Variants in SLC16A12 observed in about 807,000 individuals in gnomAD.
SLC16A12 encodes the protein monocarboxylate transporter 12.
In SLC16A12, 17 loss-of-function variants were observed where a neutral mutation model predicts 42.4. The observed-to-expected ratio is 0.40, with a 90% CI of 0.27 to 0.60. The LOEUF (loss-of-function observed/expected upper bound fraction) is 0.60, where lower values mean the gene tolerates loss of function less well. Among genes scored for constraint, SLC16A12 ranks in the 20% least tolerant of loss-of-function variants. The pLI, the probability that SLC16A12 is intolerant of heterozygous loss-of-function variation, is 0.42. For synonymous variants in SLC16A12, 224 were observed against 229.4 expected (o/e 0.98, Z 0.21); for missense variants, 544 against 623.0 (o/e 0.87, Z 1.35).
upstream of SLC16A12, among the ~76,000 whole-genome samples, chr10:89,540,334 A>C (rs1358494535): frequency 6.6e-6 from 1 of 152,068 alleles, no homozygotes; most frequent in Non-Finnish European, 1.5e-5. Flanking sequence ...TGTGGGCTCA[A>C]GCGATCCTCC....
rs188000541 is a variant in SLC16A12, at chr10:89,443,638, C to T, written c.304+118G>A. 6 of 777,186 alleles carry T rather than the reference C, an allele frequency of 7.7e-6. No individual in the cohort carries two copies. In the African/African-American group the frequency reaches 1.0e-4, roughly 13 times the overall value. 48.1% of individuals were successfully genotyped at this position (777,186 alleles called of 1,614,324 possible). A position where few individuals can be genotyped will look rare whatever the true frequency, so the allele number is the denominator to read the frequency against. ...TTTCTTTATATTATATAGTCCTAGC[C>T]AGTTTTTAATGTAGCCCTTCTACTT... On this transcript the variant is annotated intron_variant, in intron 4 of 7. Coordinates refer to ENST00000371790, the MANE Select transcript of SLC16A12 (RefSeq NM_213606.4).
At chr10:89,514,983 T>G (rs1200820867) in intron 2 of SLC16A12, among the ~76,000 whole-genome samples, 2 of 152,002 alleles carry the variant, frequency 1.3e-5, no homozygotes, top group Non-Finnish European at 2.9e-5. Context: ...TCCCAGCTAC[T>G]TGGGAGGCTG....
At chr10:89,465,405 T>TA (rs1185141556) in intron 2 of SLC16A12, among the ~76,000 whole-genome samples, 1 of 152,230 alleles carries the variant, frequency 6.6e-6, no homozygotes, top group Non-Finnish European at 1.5e-5. Context: ...TGCAGTTCTT[T>TA]AAATGGTACC....
rs532119672 is a variant in SLC16A12, at chr10:89,439,048, T to C, written c.584A>G (p.Gln195Arg). 1 of 1,613,820 alleles carries C rather than the reference T, an allele frequency of 6.2e-7. No homozygotes were observed. The highest frequency in any genetic ancestry group is 2.2e-5 in the East Asian group (1 of 44,876). ...IGTFILAPVV[Q>R]LLIEQFSWRG... ...CCAGGAAAACTGTTCAATAAGGAGC[T>C]GAACCACAGGAGCCAGGATGAAGGT... The change falls in exon 6 of 8, where the codon CAG (glutamine) becomes CGG (arginine). Residue 195 changes from glutamine to arginine, a missense_variant. Transcript: ENST00000371790.
chr10:89,468,854 G>C (rs1842449220), intron 2 of SLC16A12, among the ~76,000 whole-genome samples: 1 of 152,154 alleles, frequency 6.6e-6, no homozygotes, highest in African/African-American at 2.4e-5. Context: ...TTGCAGCCGG[G>C]CACAATGACT....
At chr10:89,500,127 G>A (rs1842972805) in intron 2 of SLC16A12, among the ~76,000 whole-genome samples, 1 of 151,976 alleles carries the variant, frequency 6.6e-6, no homozygotes. Flanking sequence ...ATAACAAGCA[G>A]CAAGATTGAA....
At chr10:89,485,337 G>A (rs554615047) in intron 2 of SLC16A12, among the ~76,000 whole-genome samples, 4 of 152,320 alleles carry the variant, frequency 2.6e-5, no homozygotes, top group Admixed American at 2.0e-4. Flanking sequence ...TATAGACTTA[G>A]AGCAAGAAAC....
chr10:89,554,043 A>G (rs139710454), intron 2 of SLC16A12, among the ~76,000 whole-genome samples: 1,013 of 48,950 alleles, frequency 0.021, 27 homozygotes, highest in African/African-American at 0.086. Flanking sequence ...GAAGAAAGAA[A>G]GAAAGAAAGA....
intron 3 of SLC16A12, among the ~76,000 whole-genome samples, chr10:89,448,980 C>T (rs1429958986): frequency 6.6e-6 from 1 of 152,070 alleles, no homozygotes; most frequent in Non-Finnish European, 1.5e-5. Context: ...AACAGAGAGC[C>T]AAATTATGAG....
At chr10:89,522,979 C>T (rs1380428309) in intron 2 of SLC16A12, among the ~76,000 whole-genome samples, 1 of 152,160 alleles carries the variant, frequency 6.6e-6, no homozygotes, top group Non-Finnish European at 1.5e-5. Context: ...CCTCCATTTC[C>T]TATTTCTCCA....
At chr10:89,474,047 T>G (rs557261445) in intron 2 of SLC16A12, among the ~76,000 whole-genome samples, 1 of 152,260 alleles carries the variant, frequency 6.6e-6, no homozygotes, top group East Asian at 1.9e-4. Context: ...CTTTATATCT[T>G]TTTACATGCT....
rs965158339 is a variant in SLC16A12 at position 89,431,111 on chromosome 10, C to G, written c.*1953G>C. 28 of 190,210 alleles carry G rather than the reference C, an allele frequency of 1.5e-4. No individual in the cohort carries two copies. Among genetic ancestry groups the G allele is most frequent in the Non-Finnish European group, 1.7e-4 (16 of 93,612 alleles). The allele number at this position is 190,210 out of a possible 1,614,324, so 11.8% of individuals were successfully genotyped here. On this transcript the variant is annotated 3_prime_UTR_variant, in exon 8 of 8. Transcript: ENST00000371790. ...CTCCTGGGTTCAAGCGATTGTCCGG[C>G]CTCAGCCTCATGAGTAGCTGGGACT...
intron 2 of SLC16A12, among the ~76,000 whole-genome samples, chr10:89,498,688 G>A (rs945389549): frequency 1.3e-5 from 2 of 152,116 alleles, no homozygotes; most frequent in African/African-American, 4.8e-5. Flanking sequence ...CAGGAAACCC[G>A]AGAGGACCCA....
chr10:89,489,913 A>T (rs1214747171), intron 2 of SLC16A12, among the ~76,000 whole-genome samples: 1 of 152,232 alleles, frequency 6.6e-6, no homozygotes, highest in African/African-American at 2.4e-5. Context: ...AAGTCATTAT[A>T]GTCACTAGTC....
chr10:89,549,444 T>A (rs938724845), intron 2 of SLC16A12, among the ~76,000 whole-genome samples: 2 of 152,228 alleles, frequency 1.3e-5, no homozygotes, highest in African/African-American at 4.8e-5. Context: ...GTAAGATTAT[T>A]AAGAAATTAC....
chr10:89,482,175 A>T (rs1209990126), intron 2 of SLC16A12, among the ~76,000 whole-genome samples: 1 of 151,726 alleles, frequency 6.6e-6, no homozygotes, highest in Non-Finnish European at 1.5e-5. Context: ...CCTCACTTAG[A>T]ATAGAGTGTC....
At chr10:89,523,761 C>A (rs182274248) in intron 2 of SLC16A12, among the ~76,000 whole-genome samples, 18 of 152,328 alleles carry the variant, frequency 1.2e-4, no homozygotes, top group Admixed American at 3.9e-4. Context: ...ACAGTGCAGA[C>A]ACACTACACA....
intron 3 of SLC16A12, among the ~76,000 whole-genome samples, chr10:89,449,047 T>C (rs1021794323): frequency 6.6e-6 from 1 of 152,004 alleles, no homozygotes; most frequent in Admixed American, 6.6e-5. Flanking sequence ...ATCCAACTTA[T>C]AAGGGATGTG....
rs1842560802 is a variant in SLC16A12, at chr10:89,475,313, C to A, written c.-46-12689G>T. On this transcript the variant is annotated intron_variant, in intron 2 of 7. Transcript: ENST00000371790. ...AGCTGGTAGCCTTACAGACTTCTAT[C>A]CTAGGGGCAAACTCGAGTTCCAAAG... is the stretch of plus-strand genomic sequence containing the variant. Among the ~76,000 whole-genome samples, 3 of 152,092 alleles carry A rather than the reference C, an allele frequency of 2.0e-5. No homozygotes were observed. In the South Asian group the frequency reaches 6.2e-4, roughly 32 times the overall value.
Sources: gnomAD v4.1 joint callset for allele counts (sites outside exome capture counted in the v4.1 genomes callset) on GRCh38, gnomAD v4.1.1 for gene constraint, MANE v1.5 for transcripts, NCBI Gene and HGNC (gene_info 2026-07-23, HGNC 2026-07-21) for gene names.